ZNF438: variants seen among roughly 807,000 people sequenced by gnomAD.
ZNF438 encodes the protein zinc finger protein 438.
A neutral mutation model predicts 38.0 loss-of-function variants in ZNF438; 25 were observed. That is an observed-to-expected ratio of 0.66 (90% confidence interval 0.48 to 0.92). The LOEUF (loss-of-function observed/expected upper bound fraction) is 0.92. ZNF438 is among the 40% of genes least tolerant of loss of function. The probability of loss-of-function intolerance (pLI) is 0.00; values close to 1 mark genes in which losing one functional copy is unlikely to be tolerated. For synonymous variants in ZNF438, 372 were observed against 364.1 expected (o/e 1.02, Z -0.25); for missense variants, 1,007 against 999.6 (o/e 1.01, Z -0.10).
chr10:31,003,179 T>C (rs1050785767), intron 1 of ZNF438, among the ~76,000 whole-genome samples: 1 of 151,794 alleles, frequency 6.6e-6, no homozygotes, highest in African/African-American at 2.4e-5. Context: ...AACAAAAACC[T>C]GTCCCATCCC....
intron 2 of ZNF438, among the ~76,000 whole-genome samples, chr10:30,913,281 C>T (rs73252608): frequency 0.12 from 18,863 of 151,990 alleles, 1,338 homozygotes; most frequent in African/African-American, 0.19. Flanking sequence ...CTCTGCCTCC[C>T]TCTCCAGTCC....
At chr10:30,980,070 A>G (rs1236658066) in intron 1 of ZNF438, among the ~76,000 whole-genome samples, 1 of 152,100 alleles carries the variant, frequency 6.6e-6, no homozygotes, top group Non-Finnish European at 1.5e-5. Context: ...TTACAAATGG[A>G]CTTGGGAGTA....
At chr10:30,888,710 CT>C (rs1418644151) in intron 3 of ZNF438, among the ~76,000 whole-genome samples, 2 of 152,160 alleles carry the variant, frequency 1.3e-5, no homozygotes, top group Non-Finnish European at 2.9e-5. Flanking sequence ...TGATCTCATT[CT>C]TTTTTATGGC....
At chr10:31,023,488 T>C (rs1021887581) in intron 1 of ZNF438, among the ~76,000 whole-genome samples, 2 of 152,216 alleles carry the variant, frequency 1.3e-5, no homozygotes, top group African/African-American at 2.4e-5. Context: ...CTGAAATTGA[T>C]AGACAGAAAA....
chr10:31,020,920 T>C (rs1054240239), intron 1 of ZNF438, among the ~76,000 whole-genome samples: 12 of 152,068 alleles, frequency 7.9e-5, no homozygotes, highest in Admixed American at 5.2e-4. Context: ...TCAAAGAGTG[T>C]TTCCATAAAA....
At chr10:30,962,612 A>G (rs566332795) in intron 1 of ZNF438, among the ~76,000 whole-genome samples, 1 of 147,518 alleles carries the variant, frequency 6.8e-6, no homozygotes, top group Non-Finnish European at 1.5e-5. Flanking sequence ...TAAAATTAGC[A>G]AACCACCAAA....
intron 4 of ZNF438, among the ~76,000 whole-genome samples, chr10:30,871,842 C>A (rs551476474): frequency 6.6e-6 from 1 of 152,306 alleles, no homozygotes; most frequent in African/African-American, 2.4e-5. Context: ...AGCTGTACAG[C>A]ACATGTCCAG....
intron 1 of ZNF438, among the ~76,000 whole-genome samples, chr10:30,984,805 G>A (rs1589578047): frequency 6.6e-6 from 1 of 152,326 alleles, no homozygotes; most frequent in Non-Finnish European, 1.5e-5. Context: ...CAGGAAAACA[G>A]TAATCAAGAG....
chr10:30,969,234 G>T (rs1191038345), intron 1 of ZNF438, among the ~76,000 whole-genome samples: 1 of 152,108 alleles, frequency 6.6e-6, no homozygotes, highest in Non-Finnish European at 1.5e-5. Flanking sequence ...GAACTCTCCA[G>T]AAGAGGGAAC....
chr10:31,008,765 G>GT (rs1462147214), intron 1 of ZNF438, among the ~76,000 whole-genome samples: 1 of 152,180 alleles, frequency 6.6e-6, no homozygotes, highest in East Asian at 1.9e-4. Context: ...ATGTAGGTAT[G>GT]TTTTCATTTC....
At chr10:31,012,249 A>G (rs1044477298) in intron 1 of ZNF438, among the ~76,000 whole-genome samples, 1 of 150,486 alleles carries the variant, frequency 6.6e-6, no homozygotes, top group Admixed American at 6.6e-5. Context: ...TCAGCCTCCC[A>G]AGTAGCTGGG....
At chr10:31,022,354 G>A (rs543184593) in intron 1 of ZNF438, among the ~76,000 whole-genome samples, 3 of 151,868 alleles carry the variant, frequency 2.0e-5, no homozygotes, top group South Asian at 2.1e-4. Context: ...CTCTGCCTCC[G>A]AGGTTCAAGC....
chr10:30,860,091 C>T (rs2035326577), intron 4 of ZNF438, among the ~76,000 whole-genome samples: 1 of 152,060 alleles, frequency 6.6e-6, no homozygotes, highest in African/African-American at 2.4e-5. Context: ...CCAAAGCCAA[C>T]CATAAAACCT....
At chr10:30,891,195 T>G (rs10826889) in intron 3 of ZNF438, among the ~76,000 whole-genome samples, 65,045 of 151,996 alleles carry the variant, frequency 0.43, 14,399 homozygotes, top group Non-Finnish European at 0.47. Context: ...ATTATTTTTC[T>G]AAGATTTCCT....
At chr10:30,856,863 A>G (rs1341740058) in intron 4 of ZNF438, among the ~76,000 whole-genome samples, 1 of 152,214 alleles carries the variant, frequency 6.6e-6, no homozygotes, top group Non-Finnish European at 1.5e-5. Context: ...TAAAATAACA[A>G]TTTTGAAAAG....
At chr10:31,024,445 T>C (rs1366972914) in intron 1 of ZNF438, among the ~76,000 whole-genome samples, 2 of 151,836 alleles carry the variant, frequency 1.3e-5, no homozygotes, top group Admixed American at 6.6e-5. Context: ...GCTAACACGG[T>C]GAAAACCCGC....
At chr10:30,856,853 T>C (rs1007734172) in intron 4 of ZNF438, among the ~76,000 whole-genome samples, 2 of 152,232 alleles carry the variant, frequency 1.3e-5, no homozygotes, top group Non-Finnish European at 2.9e-5. Flanking sequence ...TTAAGCATAC[T>C]AAAATAACAA....
intron 1 of ZNF438, among the ~76,000 whole-genome samples, chr10:30,946,681 TG>T (rs1284326316): frequency 6.6e-6 from 1 of 152,226 alleles, no homozygotes; most frequent in Non-Finnish European, 1.5e-5. Context: ...GCCTGATGAT[TG>T]CTGTCTTTAG....
rs560343946 is a variant in ZNF438, at chr10:30,914,009, T to C, written c.-114-4994A>G. Among the ~76,000 whole-genome samples the C allele has an allele frequency of 3.9e-5, 6 of 152,236 alleles. 1 individual carries two copies. Among genetic ancestry groups the C allele is most frequent in the African/African-American group, 1.4e-4 (6 of 41,544 alleles). ...TAATTTCAACAATGTCCTAAACACG[T>C]TTTAAACTGATATTTTGCATTATTG... On this transcript the variant is annotated intron_variant, in intron 2 of 5. Coordinates refer to ENST00000413025, the Ensembl canonical transcript of ZNF438.
Sources: gnomAD v4.1 joint callset for allele counts (sites outside exome capture counted in the v4.1 genomes callset) on GRCh38, gnomAD v4.1.1 for gene constraint, MANE v1.5 for transcripts, NCBI Gene and HGNC (gene_info 2026-07-23, HGNC 2026-07-21) for gene names.